SLIT3: variants seen among roughly 807,000 people sequenced by gnomAD.
The protein encoded by SLIT3 is slit homolog 3 protein.
SLIT3 carries 68 observed loss-of-function variants against 184.0 expected under a neutral mutation model. The ratio of observed to expected loss-of-function variants is 0.37; its 90% CI spans 0.30 to 0.45. The LOEUF (loss-of-function observed/expected upper bound fraction) is 0.45. Ranked by LOEUF, SLIT3 falls within the 20% of genes least tolerant of loss-of-function variation. SLIT3 has a pLI of 1.00. For missense variants in SLIT3, 1,707 were observed against 2,026.0 expected (o/e 0.84, Z 3.02); for synonymous variants, 831 against 828.6 (o/e 1.00, Z -0.05).
chr5:169,205,888 A>G (rs1764051316), intron 3 of SLIT3, among the ~76,000 whole-genome samples: 3 of 152,212 alleles, frequency 2.0e-5, no homozygotes, highest in Admixed American at 2.0e-4. Flanking sequence ...GAGGGTCCTG[A>G]GAGCTTGGAG....
intron 15 of SLIT3, 148 bp downstream of exon 15, chr5:168,762,391 T>A: frequency 1.3e-6 from 1 of 743,222 alleles, no homozygotes; most frequent in Non-Finnish European, 2.2e-6. Flanking sequence ...CCTGGGTATC[T>A]ACCTTCAGAC....
At chr5:169,169,842 C>G (rs1762760823) in intron 4 of SLIT3, among the ~76,000 whole-genome samples, 1 of 152,226 alleles carries the variant, frequency 6.6e-6, no homozygotes, top group Admixed American at 6.5e-5. Context: ...TCCAAACCCT[C>G]TATTTGCAAA....
At chr5:168,937,341 T>C (rs1043791243) in intron 4 of SLIT3, among the ~76,000 whole-genome samples, 1 of 152,124 alleles carries the variant, frequency 6.6e-6, no homozygotes, top group Non-Finnish European at 1.5e-5. Flanking sequence ...GGATCGAACA[T>C]GCATTTTGGA....
At chr5:168,828,586 G>A (rs549126946) in intron 6 of SLIT3, among the ~76,000 whole-genome samples, 1 of 148,822 alleles carries the variant, frequency 6.7e-6, no homozygotes, top group Admixed American at 6.8e-5. Flanking sequence ...CTTGAGCCTG[G>A]TAAGTCAAGG....
At chr5:169,021,284 T>A (rs1756585449) in intron 4 of SLIT3, among the ~76,000 whole-genome samples, 1 of 152,214 alleles carries the variant, frequency 6.6e-6, no homozygotes, top group Non-Finnish European at 1.5e-5. Flanking sequence ...AGGGGCAGGT[T>A]CTGGGCTGCC....
intron 4 of SLIT3, among the ~76,000 whole-genome samples, chr5:169,115,358 C>T (rs1401167857): frequency 6.6e-6 from 1 of 152,154 alleles, no homozygotes; most frequent in Non-Finnish European, 1.5e-5. Context: ...AATTCCTGAC[C>T]ATTTACTCAC....
intron 4 of SLIT3, among the ~76,000 whole-genome samples, chr5:169,064,880 G>T (rs745502179): frequency 6.6e-6 from 1 of 152,122 alleles, no homozygotes; most frequent in Non-Finnish European, 1.5e-5. Context: ...TCATTTTAAT[G>T]AAACGGAAAT....
chr5:169,067,179 G>A (rs1158274461), intron 4 of SLIT3, among the ~76,000 whole-genome samples: 1 of 152,098 alleles, frequency 6.6e-6, no homozygotes, highest in African/African-American at 2.4e-5. Context: ...GGAGGCTGAG[G>A]TGGGTGGATC....
At chr5:169,257,528 GCCT>G (rs1766006460) in intron 1 of SLIT3, among the ~76,000 whole-genome samples, 1 of 134,598 alleles carries the variant, frequency 7.4e-6, no homozygotes, top group Non-Finnish European at 1.6e-5. Context: ...AGCTTTCTAT[GCCT>G]CCTTTTTTTT....
intron 9 of SLIT3, among the ~76,000 whole-genome samples, chr5:168,799,701 G>A (rs1224014579): frequency 6.6e-6 from 1 of 152,168 alleles, no homozygotes; most frequent in Non-Finnish European, 1.5e-5. Context: ...TGGTGGTGGT[G>A]GTGGTGATAA....
At chr5:169,003,283 A>G (rs1755783243) in intron 4 of SLIT3, among the ~76,000 whole-genome samples, 1 of 152,198 alleles carries the variant, frequency 6.6e-6, no homozygotes, top group African/African-American at 2.4e-5. Context: ...AGGCTTGCAG[A>G]ATATGGGCCC....
intron 4 of SLIT3, among the ~76,000 whole-genome samples, chr5:169,113,889 C>T (rs1016307281): frequency 6.6e-6 from 1 of 151,984 alleles, no homozygotes; most frequent in Non-Finnish European, 1.5e-5. Flanking sequence ...CTGTTGGCCT[C>T]GTCATCTGCC....
At chr5:168,856,804 T>A (rs73805256) in intron 5 of SLIT3, among the ~76,000 whole-genome samples, 3 of 138,204 alleles carry the variant, frequency 2.2e-5, no homozygotes, top group Non-Finnish European at 4.7e-5. Flanking sequence ...TGTGTGTGTG[T>A]GTGCGCGCGC....
At chr5:168,983,076 G>C (rs1755004945) in intron 4 of SLIT3, among the ~76,000 whole-genome samples, 1 of 152,116 alleles carries the variant, frequency 6.6e-6, no homozygotes, top group Non-Finnish European at 1.5e-5. Context: ...AGGCAAGAAG[G>C]GGTCATACTG....
intron 4 of SLIT3, among the ~76,000 whole-genome samples, chr5:168,888,424 C>T (rs774340770): frequency 2.0e-5 from 3 of 152,346 alleles, no homozygotes; most frequent in Middle Eastern, 3.4e-3. Flanking sequence ...TTCAAAGAAG[C>T]AGGTGATAGG....
At chr5:169,185,656 T>C (rs569955631) in intron 4 of SLIT3, among the ~76,000 whole-genome samples, 316 of 152,300 alleles carry the variant, frequency 2.1e-3, no homozygotes, top group African/African-American at 7.3e-3. Context: ...TAGTGCCGAA[T>C]TGGAAGACTA....
rs1762989852 is a variant in SLIT3 at position 168,722,936 on chromosome 5, G to C, written c.2408C>G (p.Thr803Ser). Reference protein sequence around the residue: ...YTFSNMSHLSTLILSYNRLRC... With the variant: ...YTFSNMSHLSSLILSYNRLRC... ...CACAGCATCTCAGTGTACTCACAGAGTGGAGAGGTGAGACATGTTACTGAA... is the reference window on the plus strand; with the variant it reads ...CACAGCATCTCAGTGTACTCACAGACTGGAGAGGTGAGACATGTTACTGAA... The change falls in exon 22 of 36, where the codon ACT becomes AGT. Residue 803 changes from threonine to serine, a missense_variant. Physicochemically the swap from Thr to Ser is moderately conservative, Grantham distance 58. Coordinates refer to ENST00000519560, the MANE Select transcript of SLIT3 (RefSeq NM_003062.4). 6.2e-7 allele frequency: 1 copy of C among 1,610,734 alleles called. No individual in the cohort carries two copies. Among genetic ancestry groups the C allele is most frequent in the Non-Finnish European group, 8.5e-7 (1 of 1,176,858 alleles).
chr5:169,055,615 G>T (rs1331380380), intron 4 of SLIT3, among the ~76,000 whole-genome samples: 1 of 152,212 alleles, frequency 6.6e-6, no homozygotes, highest in Non-Finnish European at 1.5e-5. Context: ...GCCAAGGCGG[G>T]TGGATCATAG....
Position 169,118,016 on chromosome 5 carries a change from T to C in SLIT3, c.413+75463A>G, listed in dbSNP as rs532604775. Among the ~76,000 whole-genome samples, 8 of 152,314 alleles carry C rather than the reference T, an allele frequency of 5.3e-5. No individual in the cohort carries two copies. In the East Asian group the frequency reaches 1.5e-3, roughly 29 times the overall value. On this transcript the variant is annotated intron_variant, in intron 4 of 35. Transcript: ENST00000519560. ...TGTGCCTTTTGCCTTCCCACTTGAATATTTTTGAAATGTGGCTGGGGGTGG... is the reference window on the plus strand; with the variant it reads ...TGTGCCTTTTGCCTTCCCACTTGAACATTTTTGAAATGTGGCTGGGGGTGG...
Sources: allele counts gnomAD v4.1 joint callset (sites outside exome capture counted in the v4.1 genomes callset), GRCh38; gene constraint gnomAD v4.1.1; transcripts MANE v1.5; gene names NCBI Gene and HGNC (gene_info 2026-07-23, HGNC 2026-07-21).